CWF19L1: variants seen among roughly 807,000 people sequenced by gnomAD.
CWF19L1 encodes the protein CWF19 like cell cycle control factor 1, also known as CWF19-like protein 1.
A neutral mutation model predicts 69.7 loss-of-function variants in CWF19L1; 60 were observed. That is an observed-to-expected ratio of 0.86 (90% CI 0.70 to 1.07). The LOEUF is 1.07. Among genes scored for constraint, CWF19L1 ranks in the 50% least tolerant of loss-of-function variants. The probability of loss-of-function intolerance (pLI) is 0.00; values close to 1 mark genes in which losing one functional copy is unlikely to be tolerated. For missense variants in CWF19L1, 591 were observed against 638.9 expected (o/e 0.92, Z 0.81); for synonymous variants, 209 against 222.2 (o/e 0.94, Z 0.53).
intron 1 of CWF19L1, among the ~76,000 whole-genome samples, chr10:100,266,562 T>TG (rs1847592931): frequency 6.6e-6 from 1 of 151,826 alleles, no homozygotes; most frequent in South Asian, 2.1e-4. Context: ...TTACCTAGGC[T>TG]GGAGTGCAGA....
At chr10:100,234,429 T>C (rs1846367091) in intron 13 of CWF19L1, among the ~76,000 whole-genome samples, 2 of 152,252 alleles carry the variant, frequency 1.3e-5, no homozygotes, top group African/African-American at 4.8e-5. Context: ...TTGTGTGCTT[T>C]ATACGCCTAT....
At position 100,236,517 on chromosome 10, in the gene CWF19L1, C is replaced by T. The variant is rs886728410; in HGVS notation, c.1374+333G>A. The stretch of plus-strand genomic sequence containing the variant: ...CTTGCCAGGCGTGGGTGGCTCATGC[C>T]TGTAATACCTTCGGGAGGCCAAGGC... On this transcript the variant is annotated intron_variant, in intron 12 of 13. Transcript: ENST00000354105. Among the ~76,000 whole-genome samples the T allele has an allele frequency of 4.6e-5, 7 of 152,130 alleles. No individual in the cohort carries two copies. In the East Asian group the frequency reaches 1.3e-3, roughly 29 times the overall value.
intron 10 of CWF19L1, among the ~76,000 whole-genome samples, chr10:100,240,252 T>C (rs1264682270): frequency 6.6e-6 from 1 of 152,206 alleles, no homozygotes; most frequent in East Asian, 1.9e-4. Flanking sequence ...TCAGCAGCCC[T>C]TCCCCCTTTT....
chr10:100,258,939 ACACCTGTAATCCCAG>A (rs1190318447), intron 4 of CWF19L1, among the ~76,000 whole-genome samples: 1 of 151,382 alleles, frequency 6.6e-6, no homozygotes, highest in South Asian at 2.1e-4. Flanking sequence ...ACAGTGGCTC[ACACCTGTAATCCCAG>A]CACTTTGGGA....
chr10:100,243,128 A>G (rs1846689966), intron 10 of CWF19L1, among the ~76,000 whole-genome samples: 1 of 152,346 alleles, frequency 6.6e-6, no homozygotes, highest in African/African-American at 2.4e-5. Context: ...TATCCAAAAT[A>G]TAGACCATTC....
intron 8 of CWF19L1, 145 bp from the exon 9 acceptor site, chr10:100,246,058 T>C (rs1295838005): frequency 1.6e-6 from 1 of 614,012 alleles, no homozygotes; most frequent in African/African-American, 1.8e-5. Context: ...GGAAGCAAAA[T>C]ATCTTCCCAG....
At chr10:100,240,689 C>A (rs1477958646) in intron 10 of CWF19L1, among the ~76,000 whole-genome samples, 1 of 152,208 alleles carries the variant, frequency 6.6e-6, no homozygotes, top group Non-Finnish European at 1.5e-5. Context: ...TGAGCTATGT[C>A]ACACATTCCA....
intron 2 of CWF19L1, 131 bp downstream of exon 2, chr10:100,261,847 TC>T: frequency 4.5e-6 from 3 of 673,288 alleles, no homozygotes; most frequent in Non-Finnish European, 7.4e-6. Context: ...GCTACTAAGT[TC>T]CTATGCTCAT....
At chr10:100,240,892 T>C (rs1275534621) in intron 10 of CWF19L1, among the ~76,000 whole-genome samples, 1 of 151,950 alleles carries the variant, frequency 6.6e-6, no homozygotes, top group Non-Finnish European at 1.5e-5. Context: ...TCAAGTTTGC[T>C]CTTATTCCAC....
At chr10:100,239,510 G>A (rs751827213) in intron 10 of CWF19L1, among the ~76,000 whole-genome samples, 3 of 152,134 alleles carry the variant, frequency 2.0e-5, no homozygotes, top group East Asian at 1.9e-4. Context: ...ATGGTGGCAC[G>A]TGCCTATAAT....
intron 7 of CWF19L1, 62 bp downstream of exon 7, chr10:100,250,186 A>G: frequency 5.4e-6 from 6 of 1,109,224 alleles, no homozygotes; most frequent in Non-Finnish European, 8.3e-6. Flanking sequence ...AAACTGGACA[A>G]GAGATACATT....
chr10:100,262,117 G>A lies in CWF19L1; in HGVS notation c.24-54C>T, dbSNP rs187230429. 2.9e-3 allele frequency: 4,618 copies of A among 1,583,464 alleles called. 8 individuals are homozygous for A. The highest frequency in any genetic ancestry group is 3.6e-3 in the Non-Finnish European group (4,259 of 1,168,886). On this transcript the variant is annotated intron_variant, in intron 1 of 13. Coordinates refer to ENST00000354105, the MANE Select transcript of CWF19L1 (RefSeq NM_018294.6). Reference sequence around the variant, plus strand: ...AATTCAGGAAACAAATGGGCCTGCCGGGTTTGGTATATACTGGTCTTTTGG... The same window carrying A: ...AATTCAGGAAACAAATGGGCCTGCCAGGTTTGGTATATACTGGTCTTTTGG...
Position 100,261,030 on chromosome 10 carries a change from T to C in CWF19L1, c.123A>G (p.Val41=), listed in dbSNP as rs1471391712. The stretch of plus-strand genomic sequence containing the variant: ...CTTGGGTGGAGCCAAAGAAATTTCC[T>C]ACACACAACAGCAGCTAAAATGAGT... The part of the protein sequence containing the change: ...KSGNFDLLLC[V]GNFFGSTQDA... The change falls in exon 3 of 14, where the codon GTA becomes GTG. Residue 41 remains valine (V), a synonymous_variant. Coordinates refer to ENST00000354105, the MANE Select transcript of CWF19L1 (RefSeq NM_018294.6). 2 of 1,612,488 alleles carry C rather than the reference T, an allele frequency of 1.2e-6. No homozygotes were observed. Among genetic ancestry groups the C allele is most frequent in the Admixed American group, 1.7e-5 (1 of 59,998 alleles).
chr10:100,248,287 T>C (rs552177762), intron 7 of CWF19L1: 38 of 1,359,210 alleles, frequency 2.8e-5, no homozygotes, highest in Middle Eastern at 2.4e-4. Flanking sequence ...TTTGAGTCCG[T>C]TGGCAAGTTT....
In CWF19L1 at chr10:100,235,576, C is replaced by A. The variant is rs201865068; in HGVS notation, c.1472+91G>T. 29 of 861,062 alleles carry A rather than the reference C, an allele frequency of 3.4e-5. No homozygotes were observed. In the East Asian group the frequency reaches 6.6e-4, roughly 20 times the overall value. The allele number at this position is 861,062 out of a possible 1,614,324, so 53.3% of individuals were successfully genotyped here. A position where few individuals can be genotyped will look rare whatever the true frequency, so the allele number is the denominator to read the frequency against. ...GGTCCTCTGGGGCAAGGACTGTTTA[C>A]AATTTAGCTTTTTATCAATTGTCCC... On this transcript the variant is annotated intron_variant, in intron 13 of 13. Coordinates refer to ENST00000354105, the MANE Select transcript of CWF19L1 (RefSeq NM_018294.6).
chr10:100,257,287 C>CTTT (rs55939570), intron 4 of CWF19L1, among the ~76,000 whole-genome samples: 326 of 105,828 alleles, frequency 3.1e-3, no homozygotes, highest in Middle Eastern at 9.3e-3. Flanking sequence ...AGTGCTTTAC[C>CTTT]TTTTTTTTTT....
At chr10:100,264,028 G>T (rs1847489024) in intron 1 of CWF19L1, among the ~76,000 whole-genome samples, 2 of 152,186 alleles carry the variant, frequency 1.3e-5, no homozygotes, top group South Asian at 4.1e-4. Flanking sequence ...CATATGTAAT[G>T]GTGGTCCCAT....
chr10:100,243,666 C>G (rs1307991874), intron 10 of CWF19L1, 32 bp downstream of exon 10: 10 of 1,574,026 alleles, frequency 6.4e-6, no homozygotes, highest in Non-Finnish European at 8.7e-6. Flanking sequence ...ATAGGCATCT[C>G]CTTCTCTATA....
intron 1 of CWF19L1, among the ~76,000 whole-genome samples, chr10:100,263,217 A>G (rs569995898): frequency 1.2e-4 from 19 of 152,300 alleles, no homozygotes; most frequent in African/African-American, 4.6e-4. Flanking sequence ...CTGCCTATAG[A>G]ACCACAGCTT....
Sources: gnomAD v4.1 joint callset for allele counts (sites outside exome capture counted in the v4.1 genomes callset) on GRCh38, gnomAD v4.1.1 for gene constraint, MANE v1.5 for transcripts, NCBI Gene and HGNC (gene_info 2026-07-23, HGNC 2026-07-21) for gene names.